TRAF3: variants seen among roughly 807,000 people sequenced by gnomAD.
TRAF3 encodes the protein TNF receptor associated factor 3.
Under a neutral mutation model 62.3 loss-of-function variants are expected in TRAF3, and 13 were observed. The ratio of observed to expected loss-of-function variants is 0.21; its 90% CI spans 0.14 to 0.33. The LOEUF (loss-of-function observed/expected upper bound fraction) is 0.33, where lower values mean the gene tolerates loss of function less well. Ranked by LOEUF, TRAF3 falls within the 10% of genes least tolerant of loss-of-function variation. The pLI, the probability that TRAF3 is intolerant of heterozygous loss-of-function variation, is 1.00. For missense variants in TRAF3, 440 were observed against 741.8 expected (o/e 0.59, Z 4.73); for synonymous variants, 269 against 283.4 (o/e 0.95, Z 0.51).
intron 6 of TRAF3, among the ~76,000 whole-genome samples, chr14:102,883,245 T>C (rs1343094764): frequency 6.6e-6 from 1 of 152,128 alleles, no homozygotes; most frequent in Admixed American, 6.5e-5. Flanking sequence ...TGTCATACAG[T>C]AGTGAAAGTT....
rs1427398482 is a variant in TRAF3 at position 102,777,594 on chromosome 14, G to T, written c.-238G>T. ...CTTCCCCGCCCCCCGCCATGGGGCA[G>T]CCCGGGGAGCAGAACGCTGCGGACC... On this transcript the variant is annotated 5_prime_UTR_variant, in exon 1 of 12. Transcript: ENST00000392745. 1 of 145,148 alleles carries T rather than the reference G, an allele frequency of 6.9e-6. No individual in the cohort carries two copies. 9.0% of individuals were successfully genotyped at this position (145,148 alleles called of 1,614,324 possible).
chr14:102,870,291 A>G lies in TRAF3; in HGVS notation c.90A>G (p.Pro30=). The G allele has an allele frequency of 5.0e-6, 8 of 1,614,222 alleles. No homozygotes were observed. Among genetic ancestry groups the G allele is most frequent in the Non-Finnish European group, 5.9e-6 (7 of 1,180,048 alleles). The change falls in exon 3 of 12, where the codon CCA becomes CCG. Residue 30 remains proline, a synonymous_variant. Transcript: ENST00000392745. ...KLHTDRSAGT[P]VFVPEQGGYK... Reference sequence around the variant, plus strand: ...ACACTGACCGCAGTGCTGGGACGCCAGTTTTTGTCCCTGAACAAGGAGGTT... The same window carrying G: ...ACACTGACCGCAGTGCTGGGACGCCGGTTTTTGTCCCTGAACAAGGAGGTT...
intron 1 of TRAF3, among the ~76,000 whole-genome samples, chr14:102,782,025 G>A (rs568133796): frequency 8.6e-5 from 13 of 151,876 alleles, no homozygotes; most frequent in African/African-American, 2.7e-4. Context: ...AACTCCAGAC[G>A]TCAAGTGATC....
chr14:102,886,072 A>T (rs968790069), intron 6 of TRAF3, 117 bp from the exon 7 acceptor site: 6 of 852,006 alleles, frequency 7.0e-6, no homozygotes, highest in Non-Finnish European at 1.2e-5. Context: ...GAGTGCCATA[A>T]CTTAGAGGAC....
Position 102,910,106 on chromosome 14 carries a change from C to CA in TRAF3, c.*4322_*4323insA, listed in dbSNP as rs1244291755. 1 of 152,214 alleles carries CA rather than the reference C, an allele frequency of 6.6e-6. No homozygotes were observed. The highest frequency in any genetic ancestry group is 1.5e-5 in the Non-Finnish European group (1 of 68,048). 9.4% of individuals were successfully genotyped at this position (152,214 alleles called of 1,614,324 possible). A position where few individuals can be genotyped will look rare whatever the true frequency, so the allele number is the denominator to read the frequency against. ...GCACAGCCCCAGTAGGGTGGCAGTG[C>CA]CACTGTCTCCTTGGGCCGTTGCAGG... On this transcript the variant is annotated 3_prime_UTR_variant, in exon 12 of 12. Transcript: ENST00000392745.
intron 2 of TRAF3, among the ~76,000 whole-genome samples, chr14:102,865,497 A>T (rs988447387): frequency 5.3e-4 from 71 of 133,698 alleles, no homozygotes; most frequent in Non-Finnish European, 8.8e-4. Flanking sequence ...GTTAATCTGA[A>T]TTTTTTTTTT....
chr14:102,804,168 T>C (rs1483730138), intron 1 of TRAF3, among the ~76,000 whole-genome samples: 1 of 151,804 alleles, frequency 6.6e-6, no homozygotes, highest in African/African-American at 2.4e-5. Flanking sequence ...CTAGCCTCAG[T>C]GACAGAGTGA....
chr14:102,827,994 G>A (rs562357047), intron 1 of TRAF3, among the ~76,000 whole-genome samples: 71 of 152,320 alleles, frequency 4.7e-4, no homozygotes, highest in African/African-American at 1.6e-3. Flanking sequence ...GCAGATTCCC[G>A]CAGGGCGTAC....
At chr14:102,781,789 G>T (rs989264761) in intron 1 of TRAF3, among the ~76,000 whole-genome samples, 1 of 145,518 alleles carries the variant, frequency 6.9e-6, no homozygotes, top group African/African-American at 2.6e-5. Flanking sequence ...ACCACGCTTG[G>T]CTATTTTTTT....
chr14:102,894,220 G>A (rs939898027), intron 9 of TRAF3, among the ~76,000 whole-genome samples: 28 of 152,174 alleles, frequency 1.8e-4, no homozygotes, highest in Middle Eastern at 6.8e-3. Context: ...CCAGCTACTC[G>A]GGAGGCTGAG....
At chr14:102,872,073 T>C in intron 4 of TRAF3, 105 bp downstream of exon 4, 1 of 1,253,104 alleles carries the variant, frequency 8.0e-7, no homozygotes, top group East Asian at 2.4e-5. Flanking sequence ...TCTCTCAGTT[T>C]TGGCAGCTGA....
intron 2 of TRAF3, among the ~76,000 whole-genome samples, chr14:102,855,271 G>A (rs1887295626): frequency 6.6e-6 from 1 of 152,164 alleles, no homozygotes; most frequent in South Asian, 2.1e-4. Context: ...TGGTTGTTGT[G>A]AAGAGTACTG....
chr14:102,819,079 AAATT>A (rs1445360260), intron 1 of TRAF3, among the ~76,000 whole-genome samples: 4 of 151,948 alleles, frequency 2.6e-5, no homozygotes, highest in African/African-American at 9.7e-5. Context: ...GTGAAGTTAA[AAATT>A]AATTAATTTA....
chr14:102,890,365 T>G (rs1256869149), intron 8 of TRAF3, among the ~76,000 whole-genome samples: 1 of 152,250 alleles, frequency 6.6e-6, no homozygotes. Flanking sequence ...AATACATTAT[T>G]ATGAAGTCAG....
In TRAF3 at chr14:102,908,265, C is replaced by T. The variant is rs1263334147; in HGVS notation, c.*2481C>T. 1 of 152,330 alleles carries T rather than the reference C, an allele frequency of 6.6e-6. No individual in the cohort carries two copies. Among genetic ancestry groups the T allele is most frequent in the African/African-American group, 2.4e-5 (1 of 41,474 alleles). 9.4% of individuals were successfully genotyped at this position (152,330 alleles called of 1,614,324 possible). On this transcript the variant is annotated 3_prime_UTR_variant, in exon 12 of 12. Coordinates refer to ENST00000392745, the MANE Select transcript of TRAF3 (RefSeq NM_145725.3). Reference sequence around the variant, plus strand: ...AGACGTAACCTGAGTGACAGGAGTCCTTGAGGATGGGATGGCCTATGTCAC... The same window carrying T: ...AGACGTAACCTGAGTGACAGGAGTCTTTGAGGATGGGATGGCCTATGTCAC...
chr14:102,796,817 A>G (rs1457079250), intron 1 of TRAF3, among the ~76,000 whole-genome samples: 2 of 152,344 alleles, frequency 1.3e-5, no homozygotes, highest in South Asian at 2.1e-4. Flanking sequence ...TATATTTTGA[A>G]TAAGGGTACC....
At chr14:102,806,175 C>T (rs964579376) in intron 1 of TRAF3, among the ~76,000 whole-genome samples, 2 of 152,136 alleles carry the variant, frequency 1.3e-5, no homozygotes, top group Non-Finnish European at 2.9e-5. Context: ...AAAGAGTTTT[C>T]GGGTTCAAAA....
rs573229863 is a variant in TRAF3 at position 102,881,737 on chromosome 14, TTAAAA to T, written c.571-4447_571-4443del. ...GCATCTTGCACATGTACCCTGGAAC[TTAAAA>T]TAAATAAATATATAGCTATCAAAGT... On this transcript the variant is annotated intron_variant, in intron 6 of 11. Transcript: ENST00000392745. Among the ~76,000 whole-genome samples, 162 of 152,348 alleles carry T rather than the reference TTAAAA, an allele frequency of 1.1e-3. 1 individual carries two copies. Among genetic ancestry groups the T allele is most frequent in the South Asian group, 1.0e-3 (5 of 4,828 alleles).
chr14:102,882,254 TG>T (rs1385144085), intron 6 of TRAF3, among the ~76,000 whole-genome samples: 1 of 152,238 alleles, frequency 6.6e-6, no homozygotes, highest in Non-Finnish European at 1.5e-5. Context: ...ATAATGAGTT[TG>T]GGGCCTGATT....
Sources: allele counts gnomAD v4.1 joint callset (sites outside exome capture counted in the v4.1 genomes callset), GRCh38; gene constraint gnomAD v4.1.1; transcripts MANE v1.5; gene names NCBI Gene and HGNC (gene_info 2026-07-23, HGNC 2026-07-21).